DENND5B: variants seen among roughly 807,000 people sequenced by gnomAD.
The protein encoded by DENND5B is DENN domain-containing protein 5B.
DENND5B carries 34 observed loss-of-function variants against 140.6 expected under a neutral mutation model. The ratio of observed to expected loss-of-function variants is 0.24; its 90% CI spans 0.18 to 0.32. DENND5B has a LOEUF of 0.32. Ranked by LOEUF, DENND5B falls within the 10% of genes least tolerant of loss-of-function variation. The probability of loss-of-function intolerance (pLI) is 1.00; values close to 1 mark genes in which losing one functional copy is unlikely to be tolerated. For missense variants in DENND5B, 1,142 were observed against 1,560.2 expected, an observed-to-expected ratio of 0.73 and a Z score of 4.52; for synonymous variants, 551 against 562.1, an observed-to-expected ratio of 0.98 and a Z score of 0.28.
At chr12:31,415,747 T>C (rs1201679821) in intron 11 of DENND5B, among the ~76,000 whole-genome samples, 1 of 152,160 alleles carries the variant, frequency 6.6e-6, no homozygotes, top group Non-Finnish European at 1.5e-5. Flanking sequence ...CCACCACACA[T>C]GGCTCATTTT....
At chr12:31,559,715 G>A (rs1592051798) in intron 1 of DENND5B, among the ~76,000 whole-genome samples, 2 of 151,638 alleles carry the variant, frequency 1.3e-5, no homozygotes, top group Non-Finnish European at 2.9e-5. Context: ...AATAGTGAAA[G>A]AAGAAATAAA....
chr12:31,561,836 T>C (rs1043951688), intron 1 of DENND5B, among the ~76,000 whole-genome samples: 2 of 152,250 alleles, frequency 1.3e-5, no homozygotes, highest in Admixed American at 1.3e-4. Flanking sequence ...GAGCATTTTT[T>C]CCCTTTGTAA....
chr12:31,580,031 CT>C (rs1950166601), intron 1 of DENND5B, among the ~76,000 whole-genome samples: 1 of 145,260 alleles, frequency 6.9e-6, no homozygotes, highest in Non-Finnish European at 1.5e-5. Context: ...TACTGACTGA[CT>C]GTGCCCAAAG....
chr12:31,493,808 G>A (rs1427569842), intron 2 of DENND5B, among the ~76,000 whole-genome samples: 1 of 152,220 alleles, frequency 6.6e-6, no homozygotes, highest in Non-Finnish European at 1.5e-5. Flanking sequence ...TCCAGCCTGG[G>A]TGACAGAGCG....
At chr12:31,445,952 T>A (rs913124027) in intron 6 of DENND5B, among the ~76,000 whole-genome samples, 3 of 150,178 alleles carry the variant, frequency 2.0e-5, no homozygotes, top group African/African-American at 7.4e-5. Flanking sequence ...GAGGCTGCAG[T>A]GAGCCATGAT....
intron 1 of DENND5B, among the ~76,000 whole-genome samples, chr12:31,556,488 C>T (rs1302240481): frequency 6.6e-6 from 1 of 152,164 alleles, no homozygotes; most frequent in Non-Finnish European, 1.5e-5. Context: ...AGGCGTGAGC[C>T]ACCATGCCCA....
intron 1 of DENND5B, among the ~76,000 whole-genome samples, chr12:31,507,940 T>A (rs750272711): frequency 6.6e-6 from 1 of 152,326 alleles, no homozygotes. Flanking sequence ...TATTCTTAAG[T>A]ATTTACCTTC....
At chr12:31,403,831 G>A (rs1421996543) in intron 14 of DENND5B, among the ~76,000 whole-genome samples, 3 of 144,458 alleles carry the variant, frequency 2.1e-5, no homozygotes, top group Non-Finnish European at 4.5e-5. Flanking sequence ...GGGAGGCAGA[G>A]GTTGCAGCGA....
intron 1 of DENND5B, among the ~76,000 whole-genome samples, chr12:31,578,081 C>T (rs1950080223): frequency 7.5e-6 from 1 of 133,722 alleles, no homozygotes; most frequent in South Asian, 2.5e-4. Context: ...GAGCCAAGAT[C>T]ATGCCACTGC....
At chr12:31,545,971 A>AAAAAAAAAAAAAAAAAAT (rs1948843461) in intron 1 of DENND5B, among the ~76,000 whole-genome samples, 2 of 148,012 alleles carry the variant, frequency 1.4e-5, no homozygotes, top group African/African-American at 2.5e-5. Flanking sequence ...AAAAAAAAAA[A>AAAAAAAAAAAAAAAAAAT]GTGGGGGAAT....
At chr12:31,430,265 C>T (rs1185589941) in intron 8 of DENND5B, among the ~76,000 whole-genome samples, 1 of 149,630 alleles carries the variant, frequency 6.7e-6, no homozygotes, top group African/African-American at 2.5e-5. Context: ...TCAAGTGATC[C>T]GCCCGCCTCG....
At position 31,421,946 on chromosome 12, in the gene DENND5B, A is replaced by G. The variant is rs77186735; in HGVS notation, c.2470+1651T>C. On this transcript the variant is annotated intron_variant, in intron 11 of 20. Transcript: ENST00000389082. The stretch of plus-strand genomic sequence containing the variant: ...TCTGAATCTTTATAAATATAGTTAC[A>G]GCCAAGGACAACAGAACCTTGGCAT... 2.0e-3 allele frequency among the ~76,000 whole-genome samples: 298 copies of G among 152,270 alleles called. 2 individuals are homozygous for G. In the East Asian group the frequency reaches 0.035, roughly 18 times the overall value.
At chr12:31,494,146 A>G (rs961754199) in intron 2 of DENND5B, among the ~76,000 whole-genome samples, 3 of 81,376 alleles carry the variant, frequency 3.7e-5, no homozygotes, top group Non-Finnish European at 7.4e-5. Flanking sequence ...TCTTCTATCT[A>G]TCTATCTATC....
At chr12:31,415,153 A>G (rs1441136227) in intron 12 of DENND5B, among the ~76,000 whole-genome samples, 1 of 152,170 alleles carries the variant, frequency 6.6e-6, no homozygotes, top group South Asian at 2.1e-4. Context: ...AGATGCTTTA[A>G]AACTCTTCTC....
chr12:31,562,265 G>A (rs1565698467), intron 1 of DENND5B, among the ~76,000 whole-genome samples: 2 of 152,294 alleles, frequency 1.3e-5, no homozygotes, highest in South Asian at 4.1e-4. Flanking sequence ...CACAGGTAAA[G>A]AGTACACACA....
In DENND5B at chr12:31,495,796, A is replaced by G. The variant is rs1251783721; in HGVS notation, c.237+14T>C. 1.4e-6 allele frequency: 2 copies of G among 1,469,666 alleles called. No individual in the cohort carries two copies. Among genetic ancestry groups the G allele is most frequent in the Admixed American group, 4.7e-5 (2 of 42,264 alleles). The allele number at this position is 1,469,666 out of a possible 1,614,324, so 91.0% of individuals were successfully genotyped here. On this transcript the variant is annotated intron_variant, in intron 2 of 20. Transcript: ENST00000389082. ...CAAGGCTAAAGAGTAAATGAGGGGA[A>G]AAAAAACACATACCATGTTCACCGC...
intron 14 of DENND5B, among the ~76,000 whole-genome samples, chr12:31,405,781 C>T (rs966457023): frequency 2.0e-5 from 3 of 151,650 alleles, no homozygotes; most frequent in African/African-American, 2.4e-5. Flanking sequence ...CTCCTGACCA[C>T]GTGATTCACC....
intron 7 of DENND5B, among the ~76,000 whole-genome samples, chr12:31,438,082 T>TCTCCTGCCTCAGC (rs1943858712): frequency 6.6e-6 from 1 of 152,272 alleles, no homozygotes; most frequent in South Asian, 2.1e-4. Flanking sequence ...CTCAAGTGAT[T>TCTCCTGCCTCAGC]CTCCTGCCTC....
chr12:31,440,715 A>G (rs1224616807), intron 7 of DENND5B, among the ~76,000 whole-genome samples: 1 of 152,138 alleles, frequency 6.6e-6, no homozygotes, highest in Non-Finnish European at 1.5e-5. Context: ...GCTGGAATGC[A>G]GTGATGCGAT....
Sources: allele counts gnomAD v4.1 joint callset (sites outside exome capture counted in the v4.1 genomes callset), GRCh38; gene constraint gnomAD v4.1.1; transcripts MANE v1.5; gene names NCBI Gene and HGNC (gene_info 2026-07-23, HGNC 2026-07-21).